The following MFF variants were observed in gnomAD, a reference collection of about 807,000 sequenced individuals.
MFF encodes the protein mitochondrial fission factor, also known as chromosome 2 open reading frame 33.
A neutral mutation model predicts 36.9 loss-of-function variants in MFF; 12 were observed. The ratio of observed to expected loss-of-function variants is 0.33; its 90% CI spans 0.21 to 0.53. The LOEUF (loss-of-function observed/expected upper bound fraction) is 0.53. Ranked by LOEUF, MFF falls within the 20% of genes least tolerant of loss-of-function variation. MFF has a pLI of 0.95. For missense variants in MFF, 348 were observed against 366.6 expected (o/e 0.95, Z 0.42); for synonymous variants, 99 against 126.2 (o/e 0.78, Z 1.44).
chr2:227,342,837 C>T, intron 5 of MFF: 1 of 1,603,306 alleles, frequency 6.2e-7, no homozygotes, highest in African/African-American at 1.3e-5. Context: ...TTTATCTGCT[C>T]TGCTTTTGAC....
rs4844 is a variant in MFF at position 227,357,009 on chromosome 2, A to G, written c.768A>G (p.Leu256=). The G allele has an allele frequency of 0.14, 228,139 of 1,609,994 alleles. 15,125 individuals are homozygous for G. The highest frequency in any genetic ancestry group is 0.21 in the African/African-American group (15,409 of 74,582). Residue 256 remains leucine (L), a synonymous_variant, in exon 9 of 9, where the codon CTA becomes CTG. Coordinates refer to ENST00000304593, the MANE Select transcript of MFF (RefSeq NM_001277062.2). ...RRQIIKLNRR[L]QLLEEENKER... is the part of the protein sequence containing the mutation. Reference sequence around the variant, plus strand: ...AGATAATCAAACTAAATAGACGTCTACAACTTCTGGAAGAGGAGAACAAAG... The same window carrying G: ...AGATAATCAAACTAAATAGACGTCTGCAACTTCTGGAAGAGGAGAACAAAG...
intron 3 of MFF, 55 bp downstream of exon 3, chr2:227,330,901 T>C (rs1212598162): frequency 4.9e-6 from 7 of 1,425,522 alleles, no homozygotes; most frequent in Non-Finnish European, 6.8e-6. Flanking sequence ...TATATGTTTC[T>C]ATGAAAACTT....
chr2:227,355,464 GCC>G, intron 7 of MFF: 1 of 291,940 alleles, frequency 3.4e-6, no homozygotes, highest in Non-Finnish European at 6.3e-6. Context: ...AGTTTTTAGT[GCC>G]CTTTTTCAAT....
chr2:227,342,214 A>G (rs1354914742), intron 5 of MFF, among the ~76,000 whole-genome samples: 1 of 152,040 alleles, frequency 6.6e-6, no homozygotes, highest in Non-Finnish European at 1.5e-5. Context: ...TTGCTTAACC[A>G]TATTTTTCAT....
Position 227,340,315 on chromosome 2 carries a change from A to C in MFF, c.375A>C (p.Lys125Asn). The C allele has an allele frequency of 6.2e-7, 1 of 1,611,738 alleles. No homozygotes were observed. The highest frequency in any genetic ancestry group is 1.7e-5 in the Admixed American group (1 of 59,882). ...AGATCCGAGCAGTTGGCAGACTAAA[A>C]AGAGAGCGGTCTATGAGTGAAAATG... Reference protein sequence around the residue: ...NEEIRAVGRLKRERSMSENAV... With the variant: ...NEEIRAVGRLNRERSMSENAV... Residue 125 changes from lysine (K) to asparagine (N), a missense_variant, in exon 5 of 9, where the codon AAA becomes AAC. Physicochemically the swap from Lys to Asn is moderately conservative, Grantham distance 94 (BLOSUM62 0). Coordinates refer to ENST00000304593, the MANE Select transcript of MFF (RefSeq NM_001277062.2).
chr2:227,331,859 T>C (rs2074594137), intron 3 of MFF, among the ~76,000 whole-genome samples: 1 of 152,154 alleles, frequency 6.6e-6, no homozygotes, highest in Non-Finnish European at 1.5e-5. Flanking sequence ...GTTTTAAATA[T>C]TCTAGATATC....
At chr2:227,335,691 C>T (rs1003567478) in intron 4 of MFF, among the ~76,000 whole-genome samples, 2 of 152,186 alleles carry the variant, frequency 1.3e-5, no homozygotes, top group Admixed American at 6.5e-5. Context: ...TTGTAGAAAG[C>T]AGTTGTACTT....
chr2:227,331,999 T>G (rs1364583319), intron 3 of MFF, among the ~76,000 whole-genome samples: 1 of 112,136 alleles, frequency 8.9e-6, no homozygotes, highest in Non-Finnish European at 1.7e-5. Flanking sequence ...TGAGACGGAG[T>G]CTCGCTCTGT....
At position 227,347,482 on chromosome 2, in the gene MFF, A is replaced by G. The variant is rs1371685890; in HGVS notation, c.599+98A>G. 4.2e-6 allele frequency: 4 copies of G among 948,968 alleles called. No homozygotes were observed. The Admixed American group carries it at 8.4e-5, about 20-fold the overall frequency. The allele number at this position is 948,968 out of a possible 1,614,324, so 58.8% of individuals were successfully genotyped here. On this transcript the variant is annotated intron_variant, in intron 6 of 8. Coordinates refer to ENST00000304593, the MANE Select transcript of MFF (RefSeq NM_001277062.2). ...TCTTTCTTTTCTGTTTTTACCTTCT[A>G]GCCTCTTTCTAAGATGCAATGATTT...
At chr2:227,350,302 C>T (rs1225392888) in intron 6 of MFF, among the ~76,000 whole-genome samples, 1 of 152,118 alleles carries the variant, frequency 6.6e-6, no homozygotes, top group Non-Finnish European at 1.5e-5. Context: ...ATGCCGGTCT[C>T]TCCCTGTATC....
intron 4 of MFF, among the ~76,000 whole-genome samples, chr2:227,338,056 A>T (rs1435406379): frequency 1.6e-4 from 25 of 151,904 alleles, no homozygotes; most frequent in Admixed American, 1.6e-3. Context: ...AAAAAAAAAA[A>T]ATCTCAGATT....
chr2:227,336,660 A>G (rs538846986), intron 4 of MFF, among the ~76,000 whole-genome samples: 4 of 152,362 alleles, frequency 2.6e-5, no homozygotes, highest in African/African-American at 7.2e-5. Context: ...GTGTACAGCC[A>G]GAGCTGGAGG....
intron 4 of MFF, 107 bp from the exon 5 acceptor site, chr2:227,340,185 G>A (rs539709011): frequency 1.8e-5 from 15 of 832,840 alleles, no homozygotes; most frequent in African/African-American, 3.5e-5. Flanking sequence ...TTCTTAGTTC[G>A]TTGTAAGTTT....
intron 5 of MFF, among the ~76,000 whole-genome samples, chr2:227,344,457 A>G (rs1165593377): frequency 6.6e-6 from 1 of 152,228 alleles, no homozygotes; most frequent in African/African-American, 2.4e-5. Context: ...TCCACAGTTG[A>G]TAGCTGTGGA....
At chr2:227,330,917 T>A in intron 3 of MFF, 71 bp downstream of exon 3, 2 of 1,276,878 alleles carry the variant, frequency 1.6e-6, no homozygotes, top group Non-Finnish European at 2.2e-6. Flanking sequence ...AACTTTTGAG[T>A]TTTTCTAAAT....
chr2:227,331,419 A>G (rs1195218864), intron 3 of MFF, among the ~76,000 whole-genome samples: 2 of 152,142 alleles, frequency 1.3e-5, no homozygotes, highest in Non-Finnish European at 2.9e-5. Flanking sequence ...TTTTTCCTTC[A>G]TCTTCATTCG....
intron 1 of MFF, among the ~76,000 whole-genome samples, chr2:227,326,771 A>G (rs2074177203): frequency 6.6e-6 from 1 of 152,222 alleles, no homozygotes; most frequent in Non-Finnish European, 1.5e-5. Flanking sequence ...AGTAGGTAAT[A>G]AACAACTGGA....
At chr2:227,339,246 G>A (rs2075249142) in intron 4 of MFF, among the ~76,000 whole-genome samples, 1 of 151,648 alleles carries the variant, frequency 6.6e-6, no homozygotes, top group Non-Finnish European at 1.5e-5. Context: ...AAAAGTTAAT[G>A]ATTATCACTG....
In MFF at chr2:227,355,233, C is replaced by CT. The variant is rs376032184; in HGVS notation, c.660-441dup. ...GAGGCAGTGAGAAGAGGTGATGAGT[C>CT]TTTCTTTTTTTAGAGTTAGTCTACT... is the stretch of plus-strand genomic sequence containing the variant. On this transcript the variant is annotated intron_variant, in intron 7 of 8. Transcript: ENST00000304593. 528 of 152,520 alleles carry CT rather than the reference C, an allele frequency of 3.5e-3. 2 individuals carry two copies. Among genetic ancestry groups the CT allele is most frequent in the Non-Finnish European group, 5.9e-3 (403 of 68,210 alleles). The allele number at this position is 152,520 out of a possible 1,614,324, so 9.4% of individuals were successfully genotyped here.
Sources: gnomAD v4.1 joint callset for allele counts (sites outside exome capture counted in the v4.1 genomes callset) on GRCh38, gnomAD v4.1.1 for gene constraint, MANE v1.5 for transcripts, NCBI Gene and HGNC (gene_info 2026-07-23, HGNC 2026-07-21) for gene names.